Variants in ASAP2 observed in about 807,000 individuals in gnomAD.
The protein encoded by ASAP2 is ArfGAP with SH3 domain, ankyrin repeat and PH domain 2.
Under a neutral mutation model 131.4 loss-of-function variants are expected in ASAP2, and 45 were observed. The ratio of observed to expected loss-of-function variants is 0.34; its 90% CI spans 0.27 to 0.44. ASAP2 has a LOEUF of 0.44. Ranked by LOEUF, ASAP2 falls within the 20% of genes least tolerant of loss-of-function variation. The pLI, the probability that ASAP2 is intolerant of heterozygous loss-of-function variation, is 1.00. For synonymous variants in ASAP2, 510 were observed against 503.0 expected, an observed-to-expected ratio of 1.01 and a Z score of -0.19; for missense variants, 1,011 against 1,297.0, an observed-to-expected ratio of 0.78 and a Z score of 3.39.
At chr2:9,213,647 T>TC (rs1661771578) in intron 1 of ASAP2, among the ~76,000 whole-genome samples, 1 of 151,828 alleles carries the variant, frequency 6.6e-6, no homozygotes, top group African/African-American at 2.4e-5. Flanking sequence ...CTGATTGAGG[T>TC]CCATTGTACA....
chr2:9,318,004 ACGT>A (rs1373657592), intron 3 of ASAP2, among the ~76,000 whole-genome samples: 1 of 151,706 alleles, frequency 6.6e-6, no homozygotes, highest in Non-Finnish European at 1.5e-5. Context: ...CAACACACAC[ACGT>A]CTTTTCTCAT....
intron 3 of ASAP2, among the ~76,000 whole-genome samples, chr2:9,312,942 C>T (rs1669402563): frequency 6.6e-6 from 1 of 152,168 alleles, no homozygotes; most frequent in South Asian, 2.1e-4. Context: ...GCCTGTAATC[C>T]CAGCTACCTG....
chr2:9,325,482 G>A (rs1670423119), intron 6 of ASAP2, among the ~76,000 whole-genome samples: 1 of 152,188 alleles, frequency 6.6e-6, no homozygotes, highest in Admixed American at 6.5e-5. Flanking sequence ...AGGGGTGTTT[G>A]TGTTCAGGTC....
chr2:9,240,337 A>T (rs1663874908), intron 1 of ASAP2, among the ~76,000 whole-genome samples: 2 of 142,632 alleles, frequency 1.4e-5, no homozygotes, highest in Admixed American at 7.3e-5. Flanking sequence ...CACTGCAGCC[A>T]CCATTTCCTG....
chr2:9,249,601 T>C (rs1252126990), intron 1 of ASAP2, among the ~76,000 whole-genome samples: 1 of 152,228 alleles, frequency 6.6e-6, no homozygotes, highest in Non-Finnish European at 1.5e-5. Context: ...ACCCATCACA[T>C]AGACTGCATA....
intron 11 of ASAP2, among the ~76,000 whole-genome samples, chr2:9,348,972 T>C (rs1672158558): frequency 6.6e-6 from 1 of 152,156 alleles, no homozygotes; most frequent in Non-Finnish European, 1.5e-5. Flanking sequence ...GCCTGACTTG[T>C]TGGAATCCTA....
At chr2:9,303,499 G>A (rs1668628181) in intron 3 of ASAP2, among the ~76,000 whole-genome samples, 3 of 152,174 alleles carry the variant, frequency 2.0e-5, no homozygotes, top group Admixed American at 1.3e-4. Context: ...GGGCTTGAGG[G>A]CTAGGGCTTT....
chr2:9,347,693 G>T (rs1161040480), intron 11 of ASAP2, among the ~76,000 whole-genome samples: 1 of 152,146 alleles, frequency 6.6e-6, no homozygotes, highest in Non-Finnish European at 1.5e-5. Flanking sequence ...TCTGTTTTCT[G>T]GCCCTAGGAA....
chr2:9,311,199 G>A lies in ASAP2; in HGVS notation c.346-7325G>A, dbSNP rs144938149. ...TTGAGCCCAGAAGTTTGAGACCAGCGTTGGCAACATGGGGAGACCCTGTCT... is the reference window on the plus strand; with the variant it reads ...TTGAGCCCAGAAGTTTGAGACCAGCATTGGCAACATGGGGAGACCCTGTCT... On this transcript the variant is annotated intron_variant, in intron 3 of 27. Transcript: ENST00000281419. This position sits in a 1 kb window ranked among gnomAD's most constrained non-coding sequence, Gnocchi z 5.2. 6.6e-5 allele frequency among the ~76,000 whole-genome samples: 10 copies of A among 152,032 alleles called. No homozygotes were observed. Among genetic ancestry groups the A allele is most frequent in the Middle Eastern group, 3.4e-3 (1 of 294 alleles).
intron 2 of ASAP2, among the ~76,000 whole-genome samples, chr2:9,280,751 G>A (rs757320048): frequency 1.3e-5 from 2 of 152,180 alleles, no homozygotes; most frequent in East Asian, 1.9e-4. Flanking sequence ...GTGGCCATCC[G>A]TCTCTAGCTT....
intron 1 of ASAP2, among the ~76,000 whole-genome samples, chr2:9,263,052 TTCCC>T (rs1331294422): frequency 2.3e-4 from 35 of 152,218 alleles, no homozygotes; most frequent in Non-Finnish European, 4.9e-4. Flanking sequence ...GAAGGTCACC[TTCCC>T]AGACTCTGAG....
chr2:9,370,127 T>C (rs1055698234), intron 16 of ASAP2, among the ~76,000 whole-genome samples: 4 of 152,220 alleles, frequency 2.6e-5, no homozygotes, highest in Non-Finnish European at 4.4e-5. Context: ...CATGAGCCAC[T>C]GTACCTGGCC....
Position 9,232,017 on chromosome 2 carries a change from C to T in ASAP2, c.126+24787C>T, listed in dbSNP as rs972926312. The stretch of plus-strand genomic sequence containing the variant: ...CCCCTTCTCTCCATTCCTCCAGCTG[C>T]AGTGGGTGCCCCTGTCATTTGTCAG... On this transcript the variant is annotated intron_variant, in intron 1 of 27. Coordinates refer to ENST00000281419, the MANE Select transcript of ASAP2 (RefSeq NM_003887.3). This position sits in a 1 kb window ranked among gnomAD's most constrained non-coding sequence, Gnocchi z 4.1. Among the ~76,000 whole-genome samples the T allele has an allele frequency of 2.0e-5, 3 of 152,354 alleles. No homozygotes were observed. Among genetic ancestry groups the T allele is most frequent in the Admixed American group, 1.3e-4 (2 of 15,306 alleles).
chr2:9,366,941 C>T (rs1418879865), intron 15 of ASAP2, among the ~76,000 whole-genome samples: 2 of 152,082 alleles, frequency 1.3e-5, no homozygotes, highest in East Asian at 3.9e-4. Flanking sequence ...GGCTCTCCTT[C>T]AGTCAGTTCC....
intron 1 of ASAP2, among the ~76,000 whole-genome samples, chr2:9,244,066 G>A (rs545059666): frequency 6.6e-5 from 10 of 152,238 alleles, no homozygotes; most frequent in African/African-American, 1.9e-4. Flanking sequence ...TTGGGAGGCC[G>A]AGGTGGGCGG....
rs1211250746 is a variant in ASAP2 at position 9,207,512 on chromosome 2, C to G, written c.126+282C>G. ...TCCCCGCAGCGCGGCCAACTTTGTC[C>G]AGAGTCGGGGTCCGCGGCGAGCGGG... On this transcript the variant is annotated intron_variant, in intron 1 of 27. Coordinates refer to ENST00000281419, the MANE Select transcript of ASAP2 (RefSeq NM_003887.3). The surrounding 1 kb of genome is among the most constrained non-coding windows in gnomAD (Gnocchi z 4.1). 6.6e-6 allele frequency among the ~76,000 whole-genome samples: 1 copy of G among 151,946 alleles called. No homozygotes were observed. The highest frequency in any genetic ancestry group is 1.5e-5 in the Non-Finnish European group (1 of 67,910).
At chr2:9,358,432 G>T (rs1358174879) in intron 14 of ASAP2, among the ~76,000 whole-genome samples, 1 of 152,144 alleles carries the variant, frequency 6.6e-6, no homozygotes, top group Non-Finnish European at 1.5e-5. Context: ...TTGGTGATGG[G>T]CATGGTGTGT....
At chr2:9,213,746 G>A (rs2147943234) in intron 1 of ASAP2, among the ~76,000 whole-genome samples, 1 of 152,272 alleles carries the variant, frequency 6.6e-6, no homozygotes, top group Admixed American at 6.5e-5. Context: ...GCCCCAAACA[G>A]GGCAACAGCC....
At chr2:9,213,615 A>AG (rs1326504303) in intron 1 of ASAP2, among the ~76,000 whole-genome samples, 17 of 152,018 alleles carry the variant, frequency 1.1e-4, no homozygotes, top group South Asian at 2.1e-4. Flanking sequence ...AGGAGGTAGC[A>AG]GGGGGGGTGG....
Sources: allele counts gnomAD v4.1 joint callset (sites outside exome capture counted in the v4.1 genomes callset), GRCh38; gene constraint gnomAD v4.1.1; non-coding constraint Gnocchi (gnomAD v3.1); transcripts MANE v1.5; gene names NCBI Gene and HGNC (gene_info 2026-07-23, HGNC 2026-07-21).